Variants in CSMD2 observed in about 807,000 individuals in gnomAD.
CSMD2 encodes the protein CUB and Sushi multiple domains 2.
In CSMD2, 130 loss-of-function variants were observed where a neutral mutation model predicts 398.5. That is an observed-to-expected ratio of 0.33 (90% CI 0.28 to 0.38). CSMD2 has a LOEUF of 0.38. Among genes scored for constraint, CSMD2 ranks in the 10% least tolerant of loss-of-function variants. CSMD2 has a pLI of 1.00. For synonymous variants in CSMD2, 1,828 were observed against 1,908.5 expected, an observed-to-expected ratio of 0.96 and a Z score of 1.10; for missense variants, 3,829 against 4,764.9, an observed-to-expected ratio of 0.80 and a Z score of 5.78.
intron 5 of CSMD2, among the ~76,000 whole-genome samples, chr1:33,884,179 G>T (rs1641429105): frequency 6.6e-6 from 1 of 151,946 alleles, no homozygotes; most frequent in Middle Eastern, 3.4e-3. Context: ...TTGTCCTCTT[G>T]TCCTCTCATC....
intron 3 of CSMD2, among the ~76,000 whole-genome samples, chr1:33,956,435 T>A (rs1249140817): frequency 6.6e-6 from 1 of 152,192 alleles, no homozygotes; most frequent in African/African-American, 2.4e-5. Flanking sequence ...CTTTTGTGAC[T>A]GGCATCCTTC....
In CSMD2 at chr1:34,032,633, A is replaced by G. The variant is rs1429225252; in HGVS notation, c.478T>C (p.Tyr160His). 2 of 1,601,718 alleles carry G rather than the reference A, an allele frequency of 1.2e-6. No homozygotes were observed. Among genetic ancestry groups the G allele is most frequent in the South Asian group, 2.3e-5 (2 of 87,928 alleles). Residue 160 changes from tyrosine to histidine, a missense_variant, in exon 3 of 71, where the codon TAT becomes CAT. Tyr to His is a moderately conservative substitution (Grantham distance 83). Transcript: ENST00000373381. Reference sequence around the variant, plus strand: ...TGGAAGCCTTGGGCACTGACTGCATAGTCGCTGATGAGGCGCAGAGAGAGG... The same window carrying G: ...TGGAAGCCTTGGGCACTGACTGCATGGTCGCTGATGAGGCGCAGAGAGAGG... ...TTLSLRLISDYAVSAQGFHAT... is the reference protein window; with the variant it reads ...TTLSLRLISDHAVSAQGFHAT...
chr1:33,540,510 T>C lies in CSMD2; in HGVS notation c.9631+15A>G, dbSNP rs1395663209. On this transcript the variant is annotated intron_variant, in intron 60 of 70. Transcript: ENST00000373381. The stretch of plus-strand genomic sequence containing the variant: ...ATTGAAGAGGATGCACCAAAGGCCC[T>C]TGTAAGCAACTTACGGAAACACTGA... The C allele has an allele frequency of 6.2e-7, 1 of 1,613,798 alleles. No individual in the cohort carries two copies. The highest frequency in any genetic ancestry group is 2.2e-5 in the East Asian group (1 of 44,892).
intron 3 of CSMD2, among the ~76,000 whole-genome samples, chr1:34,024,003 T>C (rs1479709894): frequency 6.6e-6 from 1 of 152,184 alleles, no homozygotes; most frequent in African/African-American, 2.4e-5. Context: ...GTGGGCATTA[T>C]AGTTTCTGTT....
intron 1 of CSMD2, among the ~76,000 whole-genome samples, chr1:34,092,566 C>T (rs921016360): frequency 6.6e-6 from 1 of 152,072 alleles, no homozygotes; most frequent in Non-Finnish European, 1.5e-5. Context: ...GTGCACGAGC[C>T]GAAGCAGGGC....
chr1:33,824,926 A>G (rs938080586), intron 7 of CSMD2, among the ~76,000 whole-genome samples: 2 of 152,112 alleles, frequency 1.3e-5, no homozygotes, highest in East Asian at 1.9e-4. Flanking sequence ...AGGTTTCTGG[A>G]AAAAAACCTC....
chr1:33,635,415 T>G lies in CSMD2; in HGVS notation c.4970-85A>C, dbSNP rs1207054467. 7 of 834,810 alleles carry G rather than the reference T, an allele frequency of 8.4e-6. No homozygotes were observed. Among genetic ancestry groups the G allele is most frequent in the East Asian group, 7.7e-5 (3 of 38,870 alleles). 51.7% of individuals were successfully genotyped at this position (834,810 alleles called of 1,614,324 possible). ...CCTCTGTTCTGCCCCAGCCTGAGCTTCTGGCCCCAGTAGGGCTGCCCTGAG... is the reference window on the plus strand; with the variant it reads ...CCTCTGTTCTGCCCCAGCCTGAGCTGCTGGCCCCAGTAGGGCTGCCCTGAG... On this transcript the variant is annotated intron_variant, in intron 30 of 70. Coordinates refer to ENST00000373381, the MANE Select transcript of CSMD2 (RefSeq NM_001281956.2). This position sits in a 1 kb window ranked among gnomAD's most constrained non-coding sequence, Gnocchi z 5.0.
intron 49 of CSMD2, among the ~76,000 whole-genome samples, chr1:33,575,774 C>T (rs1570789080): frequency 2.0e-5 from 3 of 152,310 alleles, no homozygotes; most frequent in Non-Finnish European, 4.4e-5. Flanking sequence ...AGCCAGTTCA[C>T]TGTGACCTTT....
In CSMD2 at chr1:33,514,019, A is replaced by C. The variant is rs1401411658; in HGVS notation, c.*2605T>G. 1.3e-5 allele frequency: 2 copies of C among 152,718 alleles called. No homozygotes were observed. The highest frequency in any genetic ancestry group is 4.8e-5 in the African/African-American group (2 of 41,564). The allele number at this position is 152,718 out of a possible 1,614,324, so 9.5% of individuals were successfully genotyped here. On this transcript the variant is annotated 3_prime_UTR_variant, in exon 71 of 71. Coordinates refer to ENST00000373381, the MANE Select transcript of CSMD2 (RefSeq NM_001281956.2). ...AAAATGTAAGAAAACCAATGCAAAA[A>C]TTTATATTTTATTTGAATTCAAAAA...
In CSMD2 at chr1:33,519,674, TCTC is replaced by T. The variant is rs766993483; in HGVS notation, c.10737_10739del (p.Arg3581del). On this transcript the variant is annotated inframe_deletion and splice_region_variant, in exon 70 of 71. Coordinates refer to ENST00000373381, the MANE Select transcript of CSMD2 (RefSeq NM_001281956.2). The surrounding 1 kb of genome is among the most constrained non-coding windows in gnomAD (Gnocchi z 5.6). ...AGCCATTGAAAGGAACTTTGGGTCT[TCTC>T]CTGGCGATAAAAGAGGAAGTGCCCA... 1.2e-5 allele frequency: 20 copies of T among 1,613,756 alleles called. No individual in the cohort carries two copies. Among genetic ancestry groups the T allele is most frequent in the South Asian group, 4.4e-5 (4 of 91,032 alleles).
intron 5 of CSMD2, among the ~76,000 whole-genome samples, chr1:33,848,776 T>A (rs1638476815): frequency 6.6e-6 from 1 of 151,522 alleles, no homozygotes; most frequent in Admixed American, 6.6e-5. Flanking sequence ...ACTGAGTCAT[T>A]TAAGTTTTCT....
At chr1:33,889,934 CAA>C (rs1641874207) in intron 5 of CSMD2, among the ~76,000 whole-genome samples, 1 of 151,828 alleles carries the variant, frequency 6.6e-6, no homozygotes, top group Non-Finnish European at 1.5e-5. Flanking sequence ...GAATTTTTCA[CAA>C]AGAGTATAAA....
At chr1:33,844,569 TC>T (rs1376650875) in intron 6 of CSMD2, among the ~76,000 whole-genome samples, 6 of 152,184 alleles carry the variant, frequency 3.9e-5, no homozygotes, top group African/African-American at 1.4e-4. Context: ...CAAGGAAGAA[TC>T]ATTTATTAAC....
rs780779902 is a variant in CSMD2, at chr1:33,542,902, A to G, written c.9101-6T>C. On this transcript the variant is annotated splice_region_variant and splice_polypyrimidine_tract_variant and intron_variant, in intron 57 of 70. Coordinates refer to ENST00000373381, the MANE Select transcript of CSMD2 (RefSeq NM_001281956.2). The stretch of plus-strand genomic sequence containing the variant: ...AGGGTTCCCACAAGAGATCACTAGG[A>G]AGACAAAAATACACATTATTCACCA... 39 of 1,613,350 alleles carry G rather than the reference A, an allele frequency of 2.4e-5. No homozygotes were observed. Among genetic ancestry groups the G allele is most frequent in the Non-Finnish European group, 3.2e-5 (38 of 1,179,644 alleles).
chr1:33,568,532 A>G lies in CSMD2; in HGVS notation c.8132-691T>C, dbSNP rs558001348. Among the ~76,000 whole-genome samples the G allele has an allele frequency of 3.8e-4, 58 of 152,286 alleles. 1 individual carries two copies. The South Asian group carries it at 0.012, about 31-fold the overall frequency. ...GAGCATCTGCTGCATGGAGGGCACC[A>G]TTGTCTACATTAAGGCAGTCAAAAC... On this transcript the variant is annotated intron_variant, in intron 52 of 70. Transcript: ENST00000373381.
At chr1:33,872,330 G>T (rs1448762045) in intron 5 of CSMD2, among the ~76,000 whole-genome samples, 1 of 152,176 alleles carries the variant, frequency 6.6e-6, no homozygotes, top group South Asian at 2.1e-4. Context: ...TCCCAAGTCA[G>T]CAAAAGGTGC....
chr1:33,521,423 C>A, intron 68 of CSMD2, 40 bp downstream of exon 68: 2 of 1,032,224 alleles, frequency 1.9e-6, no homozygotes, highest in East Asian at 2.4e-5. Context: ...TCTCTCCCAC[C>A]CACCCGGGCC....
At chr1:33,721,622 T>C (rs1331894945) in intron 19 of CSMD2, among the ~76,000 whole-genome samples, 1 of 152,134 alleles carries the variant, frequency 6.6e-6, no homozygotes, top group African/African-American at 2.4e-5. Flanking sequence ...CCTCCCCTCC[T>C]TAGGAACAAT....
At chr1:33,794,736 A>G (rs2124887777) in intron 10 of CSMD2, among the ~76,000 whole-genome samples, 1 of 152,362 alleles carries the variant, frequency 6.6e-6, no homozygotes, top group East Asian at 1.9e-4. Flanking sequence ...TCGGAGTCCA[A>G]TTCGCAGCAA....
Sources: gnomAD v4.1 joint callset for allele counts (sites outside exome capture counted in the v4.1 genomes callset) on GRCh38, gnomAD v4.1.1 for gene constraint, Gnocchi (gnomAD v3.1) non-coding constraint, MANE v1.5 for transcripts, NCBI Gene and HGNC (gene_info 2026-07-23, HGNC 2026-07-21) for gene names.